Variants in ITSN2 observed in about 807,000 individuals in gnomAD.
The protein encoded by ITSN2 is intersectin 2.
Under a neutral mutation model 243.7 loss-of-function variants are expected in ITSN2, and 156 were observed. That is an observed-to-expected ratio of 0.64 (90% CI 0.56 to 0.73). The LOEUF (loss-of-function observed/expected upper bound fraction) is 0.73, where lower values mean the gene tolerates loss of function less well. ITSN2 is among the 30% of genes least tolerant of loss of function. The probability of loss-of-function intolerance (pLI) is 0.00; values close to 1 mark genes in which losing one functional copy is unlikely to be tolerated. For missense variants in ITSN2, 1,801 were observed against 1,996.1 expected (o/e 0.90, Z 1.86); for synonymous variants, 703 against 699.9 (o/e 1.00, Z -0.07).
At chr2:24,353,215 G>A (rs982983094) in intron 1 of ITSN2, among the ~76,000 whole-genome samples, 1 of 152,226 alleles carries the variant, frequency 6.6e-6, no homozygotes, top group East Asian at 1.9e-4. Context: ...AATAGATAAC[G>A]AAAACACTAA....
At chr2:24,285,783 CA>C (rs1317098048) in intron 16 of ITSN2, among the ~76,000 whole-genome samples, 1 of 152,162 alleles carries the variant, frequency 6.6e-6, no homozygotes, top group Non-Finnish European at 1.5e-5. Flanking sequence ...CATTATTTAA[CA>C]AAGGTTAATT....
At position 24,204,535 on chromosome 2, in the gene ITSN2, G is replaced by A. The variant is rs115871427; in HGVS notation, c.4763-117C>T. The A allele has an allele frequency of 1.1e-6, 1 of 910,660 alleles. No individual in the cohort carries two copies. The highest frequency in any genetic ancestry group is 1.8e-6 in the Non-Finnish European group (1 of 552,110). 56.4% of individuals were successfully genotyped at this position (910,660 alleles called of 1,614,324 possible). The stretch of plus-strand genomic sequence containing the variant: ...TAATGGGTCACTCGAGACCATGGCA[G>A]CAGGAGCCGCTGCCTGGGGCACCAT... On this transcript the variant is annotated intron_variant, in intron 38 of 39. Coordinates refer to ENST00000355123, the MANE Select transcript of ITSN2 (RefSeq NM_006277.3). The surrounding 1 kb of genome is among the most constrained non-coding windows in gnomAD (Gnocchi z 5.1).
chr2:24,221,193 G>A (rs1048091022), intron 29 of ITSN2, 127 bp from the exon 30 acceptor site: 19 of 1,027,974 alleles, frequency 1.8e-5, no homozygotes, highest in African/African-American at 1.6e-4. Context: ...TAAAAAGGAC[G>A]CTGCTAACTT....
chr2:24,349,126 A>C (rs562222436), intron 1 of ITSN2, among the ~76,000 whole-genome samples: 10 of 152,240 alleles, frequency 6.6e-5, no homozygotes, highest in African/African-American at 2.4e-4. Context: ...CATCATCATC[A>C]TCATCATTAT....
intron 29 of ITSN2, among the ~76,000 whole-genome samples, chr2:24,224,917 A>T (rs1670878073): frequency 6.6e-6 from 1 of 152,176 alleles, no homozygotes; most frequent in South Asian, 2.1e-4. Flanking sequence ...GGCGTGAGCC[A>T]CCACGCCTGG....
Position 24,246,175 on chromosome 2 carries a change from A to G in ITSN2, c.3531T>C (p.Pro1177=), listed in dbSNP as rs1301121421. 6.2e-7 allele frequency: 1 copy of G among 1,613,628 alleles called. No individual in the cohort carries two copies. The highest frequency in any genetic ancestry group is 8.5e-7 in the Non-Finnish European group (1 of 1,179,654). ...GEINGVTGLF[P]SNYVKMTTDS... ...CTGTCGTCATCTTAACGTAGTTTGA[A>G]GGAAAGAGACCAGTCACCCCGTTGA... Residue 1177 remains proline (P), a synonymous_variant, in exon 29 of 40, where the codon CCT becomes CCC. Coordinates refer to ENST00000355123, the MANE Select transcript of ITSN2 (RefSeq NM_006277.3).
At chr2:24,309,778 G>A (rs1410639497) in intron 7 of ITSN2, among the ~76,000 whole-genome samples, 1 of 152,150 alleles carries the variant, frequency 6.6e-6, no homozygotes, top group African/African-American at 2.4e-5. Context: ...GAGTGTTCAA[G>A]CTAGGATATG....
chr2:24,235,929 G>A (rs1453867115), intron 29 of ITSN2, among the ~76,000 whole-genome samples: 2 of 152,148 alleles, frequency 1.3e-5, no homozygotes, highest in African/African-American at 4.8e-5. Context: ...AAATGGTGCA[G>A]CCAGTGAGGC....
intron 10 of ITSN2, among the ~76,000 whole-genome samples, chr2:24,301,666 C>T (rs1017117938): frequency 6.6e-6 from 1 of 151,936 alleles, no homozygotes; most frequent in Admixed American, 6.6e-5. Flanking sequence ...CCTAGGACTA[C>T]AGGCGCACAC....
intron 3 of ITSN2, 49 bp downstream of exon 3, chr2:24,315,083 A>C (rs371674249): frequency 1.1e-6 from 1 of 880,660 alleles, no homozygotes; most frequent in East Asian, 2.6e-5. Context: ...ATTCTTAGAT[A>C]TCACATAAGG....
At position 24,248,803 on chromosome 2, in the gene ITSN2, G is replaced by A. The variant is rs369306406; in HGVS notation, c.3166+34C>T. ...TTCAAGATTGCGACAGAGCAAACACGTTAGTAATTTTTTAAGATCACTACT... is the reference window on the plus strand; with the variant it reads ...TTCAAGATTGCGACAGAGCAAACACATTAGTAATTTTTTAAGATCACTACT... On this transcript the variant is annotated intron_variant, in intron 26 of 39. Coordinates refer to ENST00000355123, the MANE Select transcript of ITSN2 (RefSeq NM_006277.3). 48 of 1,613,174 alleles carry A rather than the reference G, an allele frequency of 3.0e-5. 1 individual carries two copies. The highest frequency in any genetic ancestry group is 2.2e-4 in the East Asian group (10 of 44,848).
intron 1 of ITSN2, among the ~76,000 whole-genome samples, chr2:24,345,982 G>A (rs1288026375): frequency 6.6e-6 from 1 of 152,086 alleles, no homozygotes; most frequent in Admixed American, 6.6e-5. Flanking sequence ...TGATCTACGT[G>A]GATTTTATTT....
intron 8 of ITSN2, among the ~76,000 whole-genome samples, chr2:24,306,662 T>C (rs533680259): frequency 2.6e-5 from 4 of 152,210 alleles, no homozygotes; most frequent in Admixed American, 6.5e-5. Flanking sequence ...TTTTGTTCAG[T>C]TGAAAACAAA....
intron 33 of ITSN2, among the ~76,000 whole-genome samples, 168 bp downstream of exon 33, chr2:24,212,482 C>A (rs1386764659): frequency 6.6e-6 from 1 of 152,088 alleles, no homozygotes; most frequent in Admixed American, 6.5e-5. Context: ...TTTCTGTGCA[C>A]ACACACACAC....
intron 1 of ITSN2, among the ~76,000 whole-genome samples, chr2:24,349,463 T>C (rs1687843140): frequency 2.0e-5 from 3 of 152,160 alleles, no homozygotes; most frequent in South Asian, 2.1e-4. Flanking sequence ...GTACAAAATA[T>C]GGCACATAAT....
intron 2 of ITSN2, among the ~76,000 whole-genome samples, chr2:24,324,958 C>T (rs906601955): frequency 5.9e-5 from 9 of 151,308 alleles, no homozygotes; most frequent in South Asian, 2.1e-4. Context: ...ACAACAATCA[C>T]GGTTACATAT....
intron 2 of ITSN2, among the ~76,000 whole-genome samples, chr2:24,321,140 T>G (rs1313554432): frequency 1.3e-5 from 2 of 152,216 alleles, no homozygotes; most frequent in Non-Finnish European, 2.9e-5. Flanking sequence ...TCTCTGAGGA[T>G]GTCTGCATTG....
chr2:24,341,693 T>A (rs1278853539), intron 1 of ITSN2, among the ~76,000 whole-genome samples: 1 of 152,094 alleles, frequency 6.6e-6, no homozygotes, highest in Non-Finnish European at 1.5e-5. Context: ...ACGGTCAACA[T>A]GGTGAAACCC....
intron 12 of ITSN2, 30 bp downstream of exon 12, chr2:24,299,879 T>G (rs771176592): frequency 2.5e-5 from 39 of 1,530,966 alleles, no homozygotes; most frequent in Non-Finnish European, 3.5e-5. Context: ...TGTAATGATT[T>G]TCTTAAGAAG....
Sources: gnomAD v4.1 joint callset for allele counts (sites outside exome capture counted in the v4.1 genomes callset) on GRCh38, gnomAD v4.1.1 for gene constraint, Gnocchi (gnomAD v3.1) non-coding constraint, MANE v1.5 for transcripts, NCBI Gene and HGNC (gene_info 2026-07-23, HGNC 2026-07-21) for gene names.